The following LPA variants were observed in gnomAD, a reference collection of about 807,000 sequenced individuals.
The protein encoded by LPA is lipoprotein(a), also known as apolipoprotein(a).
In LPA, 199 loss-of-function variants were observed where a neutral mutation model predicts 197.9. The ratio of observed to expected loss-of-function variants is 1.01; its 90% CI spans 0.90 to 1.13. The LOEUF (loss-of-function observed/expected upper bound fraction) is 1.13. LPA is among the 50% of genes most tolerant of loss of function. The probability of loss-of-function intolerance (pLI) is 0.00; values close to 1 mark genes in which losing one functional copy is unlikely to be tolerated. For synonymous variants in LPA, 715 were observed against 639.5 expected, an observed-to-expected ratio of 1.12 and a Z score of -1.78; for missense variants, 1,853 against 1,785.8, an observed-to-expected ratio of 1.04 and a Z score of -0.68.
rs934748921 is a variant in LPA, at chr6:160,541,300, A to G, written c.5520-119T>C. On this transcript the variant is annotated intron_variant, in intron 34 of 38. Transcript: ENST00000316300. Reference sequence around the variant, plus strand: ...GATCATGTTCATATTCCCAAAGCAAAGGACTACCGCCCAACGTCAGGATAG... The same window carrying G: ...GATCATGTTCATATTCCCAAAGCAAGGGACTACCGCCCAACGTCAGGATAG... The G allele has an allele frequency of 9.0e-6, 7 of 776,296 alleles. No individual in the cohort carries two copies. The East Asian group carries it at 1.8e-4, about 20-fold the overall frequency. 48.1% of individuals were successfully genotyped at this position (776,296 alleles called of 1,614,324 possible).
At chr6:160,584,227 CTTCTTCT>C (rs1562331222) in intron 26 of LPA, among the ~76,000 whole-genome samples, 184 of 100,674 alleles carry the variant, frequency 1.8e-3, no homozygotes, top group East Asian at 4.0e-3. Flanking sequence ...TCTTCTTCTT[CTTCTTCT>C]TCTTCCTCCT....
rs193090420 is a variant in LPA at position 160,610,381 on chromosome 6, C to T, written c.2603+1181G>A. On this transcript the variant is annotated intron_variant, in intron 16 of 38. Transcript: ENST00000316300. ...TTATTCTAGTAATATACTAATTGTACTTTGAAATTATGGCTGTTCTGGGGT... is the reference window on the plus strand; with the variant it reads ...TTATTCTAGTAATATACTAATTGTATTTTGAAATTATGGCTGTTCTGGGGT... Among the ~76,000 whole-genome samples the T allele has an allele frequency of 2.6e-5, 4 of 152,220 alleles. No individual in the cohort carries two copies. In the East Asian group the frequency reaches 7.7e-4, roughly 29 times the overall value.
At chr6:160,574,350 G>A (rs970422699) in intron 28 of LPA, among the ~76,000 whole-genome samples, 1 of 152,110 alleles carries the variant, frequency 6.6e-6, no homozygotes, top group Non-Finnish European at 1.5e-5. Flanking sequence ...AAAGAAAAGG[G>A]CTTTAGTCCT....
At chr6:160,653,971 TATAA>T (rs1780057163) in intron 1 of LPA, among the ~76,000 whole-genome samples, 2 of 21,246 alleles carry the variant, frequency 9.4e-5, no homozygotes, top group South Asian at 1.4e-3. Context: ...ATATATTATA[TATAA>T]TATATAATAT....
At chr6:160,546,353 G>C (rs1368764461) in intron 32 of LPA, among the ~76,000 whole-genome samples, 1 of 152,196 alleles carries the variant, frequency 6.6e-6, no homozygotes. Context: ...GGGTACTGGG[G>C]ACTGGTGCAC....
intron 28 of LPA, among the ~76,000 whole-genome samples, chr6:160,559,479 T>C (rs1167129245): frequency 6.6e-6 from 1 of 152,228 alleles, no homozygotes; most frequent in Non-Finnish European, 1.5e-5. Context: ...TAAATATTCA[T>C]ATAGAACTCT....
intron 28 of LPA, among the ~76,000 whole-genome samples, chr6:160,559,000 A>C (rs75111619): frequency 0.021 from 3,228 of 152,270 alleles, 137 homozygotes; most frequent in African/African-American, 0.074. Context: ...GTTTAAAAGC[A>C]ATTTCTGCCC....
intron 37 of LPA, among the ~76,000 whole-genome samples, chr6:160,535,723 C>T (rs757327759): frequency 6.4e-4 from 97 of 151,326 alleles, no homozygotes; most frequent in African/African-American, 8.0e-4. Context: ...TAGTGGTGGA[C>T]GGTGATGATG....
At chr6:160,576,333 T>C (rs1475450332) in intron 28 of LPA, among the ~76,000 whole-genome samples, 2 of 45,166 alleles carry the variant, frequency 4.4e-5, no homozygotes, top group Non-Finnish European at 7.4e-5. Flanking sequence ...TGTGTGTGTG[T>C]GTGTGTGTAT....
At chr6:160,578,934 G>A (rs968636477) in intron 26 of LPA, among the ~76,000 whole-genome samples, 2 of 152,150 alleles carry the variant, frequency 1.3e-5, no homozygotes, top group Admixed American at 6.5e-5. Context: ...AGTAGTATAT[G>A]CTCTCTATGA....
intron 20 of LPA, among the ~76,000 whole-genome samples, chr6:160,598,085 G>A (rs1779167162): frequency 6.6e-6 from 1 of 152,176 alleles, no homozygotes; most frequent in African/African-American, 2.4e-5. Context: ...GAATGCCCAA[G>A]ATTTTCAATG....
At chr6:160,543,864 A>G (rs550120393) in intron 33 of LPA, among the ~76,000 whole-genome samples, 55 of 152,328 alleles carry the variant, frequency 3.6e-4, no homozygotes, top group Admixed American at 1.1e-3. Flanking sequence ...CATGAGTCAA[A>G]CCTGAATATC....
intron 14 of LPA, among the ~76,000 whole-genome samples, chr6:160,615,289 G>C (rs1377606542): frequency 6.8e-6 from 1 of 147,060 alleles, no homozygotes; most frequent in Non-Finnish European, 1.5e-5. Flanking sequence ...AGGGGTGCGC[G>C]TGTCTGTGTG....
At chr6:160,605,651 A>T (rs1156817595) in intron 17 of LPA, among the ~76,000 whole-genome samples, 1 of 152,186 alleles carries the variant, frequency 6.6e-6, no homozygotes, top group Non-Finnish European at 1.5e-5. Flanking sequence ...ACGGACAGAC[A>T]TGAAAACAAT....
chr6:160,652,194 C>T (rs890582695), intron 1 of LPA, among the ~76,000 whole-genome samples: 1 of 150,080 alleles, frequency 6.7e-6, no homozygotes, highest in Non-Finnish European at 1.5e-5. Context: ...CAACAATCTG[C>T]AAATCCAAGG....
intron 35 of LPA, 74 bp from the exon 36 acceptor site, chr6:160,540,257 C>G: frequency 6.3e-7 from 1 of 1,585,694 alleles, no homozygotes; most frequent in Non-Finnish European, 8.7e-7. Context: ...ATGAACTTGG[C>G]GCTGTCCCTC....
At chr6:160,569,716 T>C (rs540531206) in intron 28 of LPA, among the ~76,000 whole-genome samples, 3 of 151,620 alleles carry the variant, frequency 2.0e-5, no homozygotes, top group Non-Finnish European at 4.4e-5. Context: ...TGGGAGAAAA[T>C]TTTTACAATC....
intron 18 of LPA, among the ~76,000 whole-genome samples, chr6:160,602,138 T>A (rs1034930932): frequency 5.9e-5 from 9 of 152,194 alleles, no homozygotes; most frequent in Non-Finnish European, 1.2e-4. Context: ...TGTGACCTAG[T>A]CTCAAGCCCA....
chr6:160,576,366 A>C (rs1374822082), intron 28 of LPA, among the ~76,000 whole-genome samples: 10 of 23,892 alleles, frequency 4.2e-4, no homozygotes, highest in Non-Finnish European at 5.7e-4. Flanking sequence ...ATATATATAT[A>C]CATATATATA....
Sources: gnomAD v4.1 joint callset for allele counts (sites outside exome capture counted in the v4.1 genomes callset) on GRCh38, gnomAD v4.1.1 for gene constraint, MANE v1.5 for transcripts, NCBI Gene and HGNC (gene_info 2026-07-23, HGNC 2026-07-21) for gene names.